The following SPMAP2L variants were observed in gnomAD, a reference collection of about 807,000 sequenced individuals.
SPMAP2L encodes the protein sperm microtubule associated protein 2-like.
chr4:56,541,882 T>G, the SPMAP2L span, among the ~76,000 whole-genome samples: 2 of 152,176 alleles, frequency 1.3e-5, no homozygotes, highest in Non-Finnish European at 2.9e-5. Context: ...ACTCCTGATC[T>G]CAAACGATCC....
chr4:56,560,168 T>G, the SPMAP2L span, among the ~76,000 whole-genome samples: 246 of 152,324 alleles, frequency 1.6e-3, 4 homozygotes, highest in African/African-American at 5.7e-3. Context: ...GAAGCCATTA[T>G]TTTTTCAAGT....
chr4:56,573,413 G>C, the SPMAP2L span, among the ~76,000 whole-genome samples: 11 of 152,174 alleles, frequency 7.2e-5, no homozygotes, highest in African/African-American at 2.4e-4. Flanking sequence ...AGAATGTTGA[G>C]TAGCAGTTGT....
At chr4:56,565,045 C>G in the SPMAP2L span, among the ~76,000 whole-genome samples, 1 of 152,240 alleles carries the variant, frequency 6.6e-6, no homozygotes, top group South Asian at 2.1e-4. Context: ...TTATTTTAGT[C>G]CTTTCAAAAT....
the SPMAP2L span, among the ~76,000 whole-genome samples, chr4:56,596,946 C>G: frequency 2.6e-5 from 4 of 152,216 alleles, no homozygotes; most frequent in Admixed American, 2.0e-4. Flanking sequence ...GTGAGCCAGG[C>G]AGTGATCCCA....
chr4:56,593,114 G>T, the SPMAP2L span: 11 of 1,579,146 alleles, frequency 7.0e-6, no homozygotes, highest in Non-Finnish European at 9.6e-6. Context: ...GAACTTACTG[G>T]AGAACTCAGG....
At chr4:56,562,025 G>C in the SPMAP2L span, among the ~76,000 whole-genome samples, 1 of 152,032 alleles carries the variant, frequency 6.6e-6, no homozygotes, top group Admixed American at 6.6e-5. Flanking sequence ...CGCCTGGCCT[G>C]GGAATCAAAT....
chr4:56,543,893 AGAGTGTGTGTGT>A, the SPMAP2L span, among the ~76,000 whole-genome samples: 66 of 132,476 alleles, frequency 5.0e-4, no homozygotes, highest in African/African-American at 1.8e-3. Context: ...AGAGAGAGAG[AGAGTGTGTGTGT>A]GTGTGTGTGT....
the SPMAP2L span, among the ~76,000 whole-genome samples, chr4:56,564,284 A>T: frequency 9.9e-5 from 15 of 151,900 alleles, no homozygotes; most frequent in Non-Finnish European, 2.1e-4. Context: ...CAGGCACGGC[A>T]CGCACCACCA....
the SPMAP2L span, among the ~76,000 whole-genome samples, chr4:56,537,296 A>G: frequency 1.3e-5 from 2 of 152,152 alleles, no homozygotes; most frequent in Non-Finnish European, 2.9e-5. Context: ...TCATAACCAC[A>G]CTCACTCAAG....
the SPMAP2L span, among the ~76,000 whole-genome samples, chr4:56,609,635 T>C: frequency 2.0e-5 from 3 of 152,182 alleles, no homozygotes; most frequent in Non-Finnish European, 4.4e-5. Flanking sequence ...TAATTTCCAG[T>C]GCAACAGTAT....
At chr4:56,577,892 G>T in the SPMAP2L span, among the ~76,000 whole-genome samples, 2 of 152,148 alleles carry the variant, frequency 1.3e-5, no homozygotes, top group Non-Finnish European at 2.9e-5. Flanking sequence ...GGCTGAGGCA[G>T]GAGAATTGCT....
At chr4:56,599,337 C>A in the SPMAP2L span, among the ~76,000 whole-genome samples, 1 of 152,030 alleles carries the variant, frequency 6.6e-6, no homozygotes, top group South Asian at 2.1e-4. Flanking sequence ...ACATGCACCA[C>A]CATGCCCAGC....
At chr4:56,620,619 A>T in the SPMAP2L span, among the ~76,000 whole-genome samples, 11 of 152,178 alleles carry the variant, frequency 7.2e-5, no homozygotes, top group Non-Finnish European at 1.3e-4. Flanking sequence ...TCCCAACCTC[A>T]GGTGATCTGC....
the SPMAP2L span, among the ~76,000 whole-genome samples, chr4:56,604,968 G>A: frequency 3.3e-5 from 5 of 152,138 alleles, no homozygotes; most frequent in African/African-American, 9.7e-5. Context: ...ATGCAAAGGC[G>A]TAAGAATGAT....
the SPMAP2L span, among the ~76,000 whole-genome samples, chr4:56,569,812 G>T: frequency 6.6e-6 from 1 of 152,036 alleles, no homozygotes; most frequent in Admixed American, 6.6e-5. Context: ...AAAAGTTACT[G>T]GAGATGTCTT....
the SPMAP2L span, among the ~76,000 whole-genome samples, chr4:56,542,735 T>C: frequency 6.9e-6 from 1 of 144,730 alleles, no homozygotes; most frequent in Non-Finnish European, 1.5e-5. Flanking sequence ...ACACTTTGAG[T>C]AAGGCGCATC....
the SPMAP2L span, among the ~76,000 whole-genome samples, chr4:56,548,371 T>C: frequency 3.3e-5 from 5 of 152,208 alleles, no homozygotes; most frequent in African/African-American, 1.2e-4. Context: ...GTGTTTTTCT[T>C]ATAATCTGTA....
chr4:56,615,287 A>T, the SPMAP2L span, among the ~76,000 whole-genome samples: 1 of 152,228 alleles, frequency 6.6e-6, no homozygotes, highest in East Asian at 1.9e-4. Flanking sequence ...GGCACACATT[A>T]CTAAAGAAGC....
At chr4:56,531,032 G>A in the SPMAP2L span, 2 of 1,535,286 alleles carry the variant, frequency 1.3e-6, no homozygotes, top group South Asian at 2.4e-5. Context: ...CGTGAACCCC[G>A]CCAGCTCCGC....
Sources: allele counts gnomAD v4.1 joint callset (sites outside exome capture counted in the v4.1 genomes callset), GRCh38; gene constraint gnomAD v4.1.1; transcripts MANE v1.5; gene names NCBI Gene and HGNC (gene_info 2026-07-23, HGNC 2026-07-21).